ZNF407: variants seen among roughly 807,000 people sequenced by gnomAD.
ZNF407 encodes the protein zinc finger protein 407.
A neutral mutation model predicts 131.2 loss-of-function variants in ZNF407; 17 were observed. That is an observed-to-expected ratio of 0.13 (90% CI 0.09 to 0.19). ZNF407 has a LOEUF of 0.19. Ranked by LOEUF, ZNF407 falls within the 10% of genes least tolerant of loss-of-function variation. ZNF407 has a pLI of 1.00. For synonymous variants in ZNF407, 1,156 were observed against 1,062.0 expected, an observed-to-expected ratio of 1.09 and a Z score of -1.72; for missense variants, 2,681 against 2,830.6, an observed-to-expected ratio of 0.95 and a Z score of 1.20.
At chr18:74,894,153 G>A (rs1254309626) in intron 7 of ZNF407, among the ~76,000 whole-genome samples, 1 of 152,052 alleles carries the variant, frequency 6.6e-6, no homozygotes, top group Non-Finnish European at 1.5e-5. Context: ...CTATTTAAAT[G>A]TAAACGTGTA....
intron 3 of ZNF407, among the ~76,000 whole-genome samples, chr18:74,690,098 A>G (rs938484697): frequency 1.3e-5 from 2 of 152,240 alleles, no homozygotes; most frequent in Non-Finnish European, 2.9e-5. Context: ...ATCTTGGATC[A>G]ATACCTGTTA....
chr18:74,794,953 A>G (rs1461196920), intron 4 of ZNF407, among the ~76,000 whole-genome samples: 2 of 152,158 alleles, frequency 1.3e-5, no homozygotes, highest in African/African-American at 4.8e-5. Context: ...AAAATAGATA[A>G]GTGAATATAT....
At position 74,751,718 on chromosome 18, in the gene ZNF407, C is replaced by T. The variant is rs577936934; in HGVS notation, c.4803-29710C>T. Among the ~76,000 whole-genome samples the T allele has an allele frequency of 4.9e-4, 75 of 152,130 alleles. 1 individual carries two copies. The highest frequency in any genetic ancestry group is 1.5e-3 in the African/African-American group (63 of 41,502). On this transcript the variant is annotated intron_variant, in intron 3 of 8. Transcript: ENST00000299687. ...GACATGAACTCATCCTTTTTATGGC[C>T]GCGTAGTATTCCATGGTATGTATGT...
At chr18:74,745,645 C>G (rs1968652188) in intron 3 of ZNF407, among the ~76,000 whole-genome samples, 2 of 152,168 alleles carry the variant, frequency 1.3e-5, no homozygotes, top group Admixed American at 1.3e-4. Flanking sequence ...CTTTAACATA[C>G]TTTCTCCATC....
chr18:74,636,131 A>G (rs957862329), intron 2 of ZNF407, among the ~76,000 whole-genome samples: 24 of 152,176 alleles, frequency 1.6e-4, no homozygotes, highest in Non-Finnish European at 2.9e-4. Flanking sequence ...GGGATGTAAA[A>G]ATATTCATCA....
At chr18:74,780,672 A>G (rs1235668232) in intron 3 of ZNF407, among the ~76,000 whole-genome samples, 11 of 152,146 alleles carry the variant, frequency 7.2e-5, no homozygotes, top group Admixed American at 6.5e-4. Flanking sequence ...CCAGAGAGCC[A>G]TTTTAGTTTT....
chr18:74,779,027 C>T (rs1344183840), intron 3 of ZNF407, among the ~76,000 whole-genome samples: 2 of 141,724 alleles, frequency 1.4e-5, no homozygotes, highest in Non-Finnish European at 3.0e-5. Context: ...CTTCAGTAAC[C>T]ACATATGGCT....
At chr18:74,741,326 C>G (rs1968544527) in intron 3 of ZNF407, among the ~76,000 whole-genome samples, 1 of 151,750 alleles carries the variant, frequency 6.6e-6, no homozygotes, top group African/African-American at 2.4e-5. Flanking sequence ...ACATTTGTGA[C>G]GTGTTATAAA....
chr18:74,896,556 C>G (rs1178406394), intron 7 of ZNF407, among the ~76,000 whole-genome samples: 2 of 152,196 alleles, frequency 1.3e-5, no homozygotes, highest in Non-Finnish European at 2.9e-5. Flanking sequence ...ATCGCCCCTT[C>G]CTGCTTGTCA....
At chr18:74,641,916 T>C (rs1984739094) in intron 3 of ZNF407, among the ~76,000 whole-genome samples, 1 of 152,182 alleles carries the variant, frequency 6.6e-6, no homozygotes, top group African/African-American at 2.4e-5. Context: ...AAGTGCATCA[T>C]ATAAAAATTC....
At chr18:74,854,060 T>G (rs960079569) in intron 4 of ZNF407, among the ~76,000 whole-genome samples, 11 of 152,154 alleles carry the variant, frequency 7.2e-5, no homozygotes, top group Non-Finnish European at 1.6e-4. Flanking sequence ...GTCTGGCGGA[T>G]GAGTGAGGGG....
At chr18:74,708,870 A>T (rs1049279049) in intron 3 of ZNF407, among the ~76,000 whole-genome samples, 7 of 152,260 alleles carry the variant, frequency 4.6e-5, no homozygotes, top group Admixed American at 4.6e-4. Context: ...CTACATGAAC[A>T]TAATGTGCCC....
intron 8 of ZNF407, 84 bp downstream of exon 8, chr18:74,920,776 T>C: frequency 6.9e-7 from 1 of 1,442,534 alleles, no homozygotes; most frequent in South Asian, 1.6e-5. Flanking sequence ...TACATTACCA[T>C]GATTTATTGT....
chr18:74,617,776 G>A (rs2144633487), intron 1 of ZNF407, among the ~76,000 whole-genome samples: 1 of 152,260 alleles, frequency 6.6e-6, no homozygotes, highest in East Asian at 1.9e-4. Context: ...TACTGAGATT[G>A]TTTTTCCCTT....
chr18:74,761,146 A>G (rs1333141857), intron 3 of ZNF407, among the ~76,000 whole-genome samples: 3 of 152,120 alleles, frequency 2.0e-5, no homozygotes, highest in Non-Finnish European at 4.4e-5. Context: ...TTTTAAATTT[A>G]CTTTATATTT....
intron 3 of ZNF407, among the ~76,000 whole-genome samples, chr18:74,647,901 T>C (rs1985047553): frequency 6.6e-6 from 1 of 152,112 alleles, no homozygotes. Context: ...GAGGGTTATC[T>C]TTGAGTTGGG....
intron 4 of ZNF407, among the ~76,000 whole-genome samples, chr18:74,874,257 C>A (rs975602216): frequency 2.0e-5 from 3 of 152,142 alleles, no homozygotes; most frequent in Non-Finnish European, 4.4e-5. Flanking sequence ...AGATTGTAAT[C>A]TTTACATTAT....
intron 3 of ZNF407, among the ~76,000 whole-genome samples, chr18:74,752,734 A>C (rs1968835864): frequency 6.6e-6 from 1 of 152,058 alleles, no homozygotes; most frequent in African/African-American, 2.4e-5. Context: ...ATTGGTTTAT[A>C]TCTCTGTTTT....
chr18:74,920,448 A>G, intron 7 of ZNF407, 66 bp from the exon 8 acceptor site: 2 of 1,338,832 alleles, frequency 1.5e-6, no homozygotes, highest in African/African-American at 1.4e-5. Flanking sequence ...ATGTAATATC[A>G]TTATTTGTAA....
Sources: allele counts gnomAD v4.1 joint callset (sites outside exome capture counted in the v4.1 genomes callset), GRCh38; gene constraint gnomAD v4.1.1; transcripts MANE v1.5; gene names NCBI Gene and HGNC (gene_info 2026-07-23, HGNC 2026-07-21).